Variants in SMYD3 observed in about 807,000 individuals in gnomAD.
SMYD3 encodes the protein SET and MYND domain containing 3.
A neutral mutation model predicts 57.7 loss-of-function variants in SMYD3; 36 were observed. That is an observed-to-expected ratio of 0.62 (90% confidence interval 0.48 to 0.82). The LOEUF (loss-of-function observed/expected upper bound fraction) is 0.82. SMYD3 is among the 40% of genes least tolerant of loss of function. The pLI is 0.00. For synonymous variants in SMYD3, 211 were observed against 195.0 expected (o/e 1.08, Z -0.68); for missense variants, 515 against 538.8 (o/e 0.96, Z 0.44).
intron 5 of SMYD3, among the ~76,000 whole-genome samples, chr1:246,185,449 CTTTTTTTTT>C (rs1183038960): frequency 2.5e-5 from 2 of 80,046 alleles, no homozygotes; most frequent in Non-Finnish European, 4.5e-5. Flanking sequence ...GTTAGTGATT[CTTTTTTTTT>C]TTTTTTTTTT....
intron 1 of SMYD3, among the ~76,000 whole-genome samples, chr1:246,470,628 CTATA>C (rs927754931): frequency 8.7e-5 from 13 of 149,158 alleles, no homozygotes; most frequent in African/African-American, 1.5e-4. Context: ...TATATACACA[CTATA>C]TATATAGTGT....
intron 5 of SMYD3, among the ~76,000 whole-genome samples, chr1:246,051,439 A>T (rs1477867418): frequency 6.6e-6 from 1 of 152,118 alleles, no homozygotes; most frequent in Non-Finnish European, 1.5e-5. Flanking sequence ...CTTATTTTTT[A>T]ATATAACAGA....
chr1:246,395,854 C>T (rs2066662019), intron 1 of SMYD3, among the ~76,000 whole-genome samples: 1 of 151,960 alleles, frequency 6.6e-6, no homozygotes, highest in South Asian at 2.1e-4. Context: ...GGGAGAGGAG[C>T]CCGATCGCTG....
intron 1 of SMYD3, among the ~76,000 whole-genome samples, chr1:246,470,603 T>G (rs73134172): frequency 4.7e-5 from 7 of 150,484 alleles, no homozygotes; most frequent in African/African-American, 1.7e-4. Flanking sequence ...ATTGTGTATA[T>G]ATACACACAC....
chr1:246,088,157 T>C (rs1266673190), intron 5 of SMYD3, among the ~76,000 whole-genome samples: 1 of 152,102 alleles, frequency 6.6e-6, no homozygotes, highest in Non-Finnish European at 1.5e-5. Context: ...GAAACACCCA[T>C]GTGACAAAGC....
At position 245,879,756 on chromosome 1, in the gene SMYD3, T is replaced by C. The variant is rs568756014; in HGVS notation, c.814-15870A>G. Among the ~76,000 whole-genome samples the C allele has an allele frequency of 2.3e-4, 35 of 152,268 alleles. 1 individual carries two copies. The South Asian group carries it at 7.2e-3, about 32-fold the overall frequency. On this transcript the variant is annotated intron_variant, in intron 8 of 11. Coordinates refer to ENST00000490107, the MANE Select transcript of SMYD3 (RefSeq NM_001167740.2). ...CTCTGAAGAACTGAGAGAAAGGGAA[T>C]GGCAGCAGAAGACCAGAGTGGCGGC...
chr1:245,802,377 C>T (rs576159200), intron 10 of SMYD3, among the ~76,000 whole-genome samples: 1 of 152,256 alleles, frequency 6.6e-6, no homozygotes, highest in South Asian at 2.1e-4. Flanking sequence ...CCCCCTCTCC[C>T]CAAGTCATAA....
chr1:246,500,620 G>A (rs1269133680), intron 1 of SMYD3, among the ~76,000 whole-genome samples: 1 of 152,174 alleles, frequency 6.6e-6, no homozygotes, highest in Non-Finnish European at 1.5e-5. Flanking sequence ...AGCAAACTGG[G>A]CACTCTGTAC....
At chr1:246,493,700 AG>A (rs2068306753) in intron 1 of SMYD3, among the ~76,000 whole-genome samples, 1 of 151,684 alleles carries the variant, frequency 6.6e-6, no homozygotes, top group South Asian at 2.1e-4. Flanking sequence ...CCTTCACCAC[AG>A]AGCACTACTG....
intron 5 of SMYD3, among the ~76,000 whole-genome samples, chr1:246,049,397 C>T (rs911200170): frequency 6.6e-6 from 1 of 151,954 alleles, no homozygotes. Context: ...CCCGGGTTCA[C>T]GCCATTCTCC....
chr1:246,488,205 G>A (rs1043579113), intron 1 of SMYD3, among the ~76,000 whole-genome samples: 1 of 152,168 alleles, frequency 6.6e-6, no homozygotes, highest in East Asian at 1.9e-4. Context: ...AGAAGTCTGG[G>A]CATTTTAAAA....
intron 5 of SMYD3, among the ~76,000 whole-genome samples, chr1:245,954,080 C>G (rs1277257710): frequency 6.6e-6 from 1 of 152,196 alleles, no homozygotes. Context: ...AGGTACTTTT[C>G]CACATTAACT....
At chr1:246,363,013 T>C (rs2066024478) in intron 1 of SMYD3, among the ~76,000 whole-genome samples, 1 of 149,804 alleles carries the variant, frequency 6.7e-6, no homozygotes, top group African/African-American at 2.5e-5. Context: ...ATCTAGGAAG[T>C]GAGGAGCGTC....
intron 10 of SMYD3, among the ~76,000 whole-genome samples, chr1:245,825,527 G>A (rs866351896): frequency 6.6e-6 from 1 of 152,124 alleles, no homozygotes; most frequent in Non-Finnish European, 1.5e-5. Flanking sequence ...GTGTCTTCAG[G>A]CTGGAAGGGG....
intron 5 of SMYD3, among the ~76,000 whole-genome samples, chr1:246,051,706 A>G (rs1390889727): frequency 6.6e-6 from 1 of 152,186 alleles, no homozygotes; most frequent in African/African-American, 2.4e-5. Context: ...GATTATGCCA[A>G]TTGCATTAGA....
chr1:246,103,366 T>C (rs1020829042), intron 5 of SMYD3, among the ~76,000 whole-genome samples: 1 of 152,074 alleles, frequency 6.6e-6, no homozygotes, highest in Non-Finnish European at 1.5e-5. Flanking sequence ...TCTCTCCTCT[T>C]GGATGCAAAA....
At chr1:246,238,453 C>T (rs1243065948) in intron 5 of SMYD3, among the ~76,000 whole-genome samples, 1 of 152,120 alleles carries the variant, frequency 6.6e-6, no homozygotes, top group Non-Finnish European at 1.5e-5. Flanking sequence ...GTCCTCTGTG[C>T]TTTCTCAGTT....
intron 10 of SMYD3, among the ~76,000 whole-genome samples, chr1:245,783,013 G>A (rs2046893982): frequency 6.6e-6 from 1 of 152,192 alleles, no homozygotes; most frequent in Non-Finnish European, 1.5e-5. Flanking sequence ...TGTGGGGCTG[G>A]CTTCTACAGC....
At chr1:245,891,206 T>A (rs1400332310) in intron 8 of SMYD3, among the ~76,000 whole-genome samples, 3 of 152,180 alleles carry the variant, frequency 2.0e-5, no homozygotes, top group Admixed American at 6.5e-5. Flanking sequence ...ATTTAAAAAT[T>A]ACTGAAGAAA....
Sources: allele counts gnomAD v4.1 joint callset (sites outside exome capture counted in the v4.1 genomes callset), GRCh38; gene constraint gnomAD v4.1.1; transcripts MANE v1.5; gene names NCBI Gene and HGNC (gene_info 2026-07-23, HGNC 2026-07-21).